GEMIN7: variants seen among roughly 807,000 people sequenced by gnomAD.
GEMIN7 encodes the protein gem nuclear organelle associated protein 7, also known as gem-associated protein 7.
Under a neutral mutation model 7.8 loss-of-function variants are expected in GEMIN7, and 7 were observed. That is an observed-to-expected ratio of 0.90 (90% CI 0.51 to 1.69). The LOEUF (loss-of-function observed/expected upper bound fraction) is 1.69. Ranked by LOEUF, GEMIN7 falls within the 40% of genes most tolerant of loss-of-function variation. The probability of loss-of-function intolerance (pLI) is 0.00; values close to 1 mark genes in which losing one functional copy is unlikely to be tolerated. For synonymous variants in GEMIN7, 68 were observed against 72.4 expected, an observed-to-expected ratio of 0.94 and a Z score of 0.31; for missense variants, 159 against 176.2, an observed-to-expected ratio of 0.90 and a Z score of 0.55.
chr19:45,075,735 G>A, upstream of GEMIN7: 1 of 1,614,090 alleles, frequency 6.2e-7, no homozygotes, highest in South Asian at 1.1e-5. Context: ...CGCGGCTGGG[G>A]CCTCTGAAGA....
In GEMIN7 at chr19:45,090,574, C is replaced by T. The variant is rs576785070; in HGVS notation, c.*64C>T. ...TGTATCCCAGGCCTCCCAATGTTCC[C>T]GAGCCAGGAACTCTGGGCCCCATGG... On this transcript the variant is annotated 3_prime_UTR_variant, in exon 3 of 3. Transcript: ENST00000270257. The T allele has an allele frequency of 4.0e-6, 6 of 1,491,492 alleles. No homozygotes were observed. In the African/African-American group the frequency reaches 4.2e-5, roughly 10 times the overall value. 92.4% of individuals were successfully genotyped at this position (1,491,492 alleles called of 1,614,324 possible). A position where few individuals can be genotyped will look rare whatever the true frequency, so the allele number is the denominator to read the frequency against.
chr19:45,080,758 G>GTTTTTTTTTTTTTT lies in GEMIN7; in HGVS notation c.-9+735_-9+736insTTTTTTTTTTTTTT, dbSNP rs199542404. ...GCATCAATATGACCAAATCTCCCTT[G>GTTTTTTTTTTTTTT]TTTTTTGTTTTTTTTTTTTTTTTTC... is the stretch of plus-strand genomic sequence containing the variant. On this transcript the variant is annotated intron_variant, in intron 2 of 2. Transcript: ENST00000270257. Among the ~76,000 whole-genome samples the GTTTTTTTTTTTTTT allele has an allele frequency of 2.5e-5, 3 of 121,334 alleles. 1 individual carries two copies. Among genetic ancestry groups the GTTTTTTTTTTTTTT allele is most frequent in the African/African-American group, 3.3e-5 (1 of 30,286 alleles). 79.6% of individuals were successfully genotyped at this position (121,334 alleles called of 152,430 possible). A position where few individuals can be genotyped will look rare whatever the true frequency, so the allele number is the denominator to read the frequency against.
intron 2 of GEMIN7, among the ~76,000 whole-genome samples, chr19:45,087,686 G>A (rs73562220): frequency 0.012 from 1,856 of 152,240 alleles, 49 homozygotes; most frequent in African/African-American, 0.042. Context: ...GGTGCCGGCA[G>A]GATCCAGAGC....
intron 2 of GEMIN7, among the ~76,000 whole-genome samples, chr19:45,081,934 A>C (rs1311169552): frequency 6.6e-6 from 1 of 151,942 alleles, no homozygotes; most frequent in African/African-American, 2.4e-5. Context: ...CGACCTTTCA[A>C]ACATAGCCTA....
At chr19:45,076,009 C>A, upstream of GEMIN7, 1 of 1,566,996 alleles carries the variant, frequency 6.4e-7, no homozygotes, top group African/African-American at 1.4e-5. The surrounding 1 kb of genome is among the most constrained non-coding windows in gnomAD (Gnocchi z 4.9). Context: ...GGCCCATGCC[C>A]AAAGGGAAGG....
intron 2 of GEMIN7, among the ~76,000 whole-genome samples, chr19:45,085,036 G>A (rs145223539): frequency 1.4e-4 from 22 of 152,308 alleles, no homozygotes; most frequent in African/African-American, 5.1e-4. Context: ...GCCTCTCAAA[G>A]TGCTGGAATT....
At chr19:45,084,711 G>A (rs1032922139) in intron 2 of GEMIN7, among the ~76,000 whole-genome samples, 4 of 152,190 alleles carry the variant, frequency 2.6e-5, no homozygotes, top group African/African-American at 4.8e-5. Flanking sequence ...CTGAGTAGGC[G>A]GGATTACAGG....
chr19:45,088,286 CTT>C (rs1175090991), intron 2 of GEMIN7, among the ~76,000 whole-genome samples: 1 of 151,894 alleles, frequency 6.6e-6, no homozygotes, highest in Non-Finnish European at 1.5e-5. Context: ...TCTTTTATGA[CTT>C]TAATATTTTT....
chr19:45,089,670 C>T (rs1204486785), intron 2 of GEMIN7, among the ~76,000 whole-genome samples: 1 of 151,990 alleles, frequency 6.6e-6, no homozygotes, highest in Non-Finnish European at 1.5e-5. Flanking sequence ...CTGAGTAGCC[C>T]AGCTAATGTA....
chr19:45,078,662 C>A (rs1189573436), upstream of GEMIN7, among the ~76,000 whole-genome samples: 1 of 152,170 alleles, frequency 6.6e-6, no homozygotes, highest in Non-Finnish European at 1.5e-5. Context: ...CCTTGGTGAT[C>A]TAGTGGAAAG....
chr19:45,075,950 A>C, upstream of GEMIN7: 1 of 1,587,290 alleles, frequency 6.3e-7, no homozygotes, highest in Non-Finnish European at 8.6e-7. Context: ...GAAGGTCAGA[A>C]GGGGGCCTGA....
At chr19:45,081,209 G>C (rs1967493376) in intron 2 of GEMIN7, among the ~76,000 whole-genome samples, 1 of 152,210 alleles carries the variant, frequency 6.6e-6, no homozygotes, top group Non-Finnish European at 1.5e-5. Flanking sequence ...GCTCATGCCT[G>C]TAATCCCAGC....
upstream of GEMIN7, chr19:45,076,419 G>A: frequency 8.2e-7 from 1 of 1,213,158 alleles, no homozygotes; most frequent in Non-Finnish European, 1.0e-6. This position sits in a 1 kb window ranked among gnomAD's most constrained non-coding sequence, Gnocchi z 4.9. Context: ...CAGGCAGGCG[G>A]GCGGGCGGAG....
At chr19:45,078,436 G>A (rs758345742), upstream of GEMIN7, among the ~76,000 whole-genome samples, 6 of 152,104 alleles carry the variant, frequency 3.9e-5, no homozygotes, top group African/African-American at 1.4e-4. Context: ...GAAGGATCTT[G>A]TTTACATATT....
chr19:45,089,984 A>C (rs1414422688), intron 2 of GEMIN7, 123 bp from the exon 3 acceptor site: 2 of 971,534 alleles, frequency 2.1e-6, no homozygotes, highest in African/African-American at 3.3e-5. Context: ...AGGAGGGTGG[A>C]TCAGTCTGGG....
At chr19:45,078,900 G>C (rs2013468987), upstream of GEMIN7, among the ~76,000 whole-genome samples, 1 of 152,240 alleles carries the variant, frequency 6.6e-6, no homozygotes, top group Non-Finnish European at 1.5e-5. Flanking sequence ...TTCCTGTAGA[G>C]GAGCGGGGGT....
chr19:45,081,501 A>C, intron 2 of GEMIN7, among the ~76,000 whole-genome samples: 1 of 143,664 alleles, frequency 7.0e-6, no homozygotes. Context: ...CCTTAATTCC[A>C]TTCACGTGGT....
upstream of GEMIN7, chr19:45,076,319 C>T (rs759144779): frequency 2.1e-6 from 3 of 1,415,512 alleles, no homozygotes; most frequent in East Asian, 5.5e-5. This position sits in a 1 kb window ranked among gnomAD's most constrained non-coding sequence, Gnocchi z 4.9. Context: ...TCTGGGTTGG[C>T]GGCGGGCGCG....
Position 45,084,598 on chromosome 19 carries a change from T to G in GEMIN7, c.-9+4569T>G, listed in dbSNP as rs189113020. Among the ~76,000 whole-genome samples, 305 of 151,630 alleles carry G rather than the reference T, an allele frequency of 2.0e-3. 2 individuals carry two copies. Among genetic ancestry groups the G allele is most frequent in the African/African-American group, 7.0e-3 (289 of 41,342 alleles). ...TTGGGGCGTTTGTTTGTTTTTGAGA[T>G]GGAGTCCCAGTCTGTCACCCAGACT... On this transcript the variant is annotated intron_variant, in intron 2 of 2. Transcript: ENST00000270257.
Sources: allele counts gnomAD v4.1 joint callset (sites outside exome capture counted in the v4.1 genomes callset), GRCh38; gene constraint gnomAD v4.1.1; non-coding constraint Gnocchi (gnomAD v3.1); transcripts MANE v1.5; gene names NCBI Gene and HGNC (gene_info 2026-07-23, HGNC 2026-07-21).